Variants in FHIT observed in about 807,000 individuals in gnomAD.
The protein encoded by FHIT is bis(5'-adenosyl)-triphosphatase.
In FHIT, 19 loss-of-function variants were observed where a neutral mutation model predicts 17.9. That is an observed-to-expected ratio of 1.06 (90% CI 0.74 to 1.56). The LOEUF (loss-of-function observed/expected upper bound fraction) is 1.56, where lower values mean the gene tolerates loss of function less well. Ranked by LOEUF, FHIT falls within the 40% of genes most tolerant of loss-of-function variation. FHIT has a pLI of 0.00. For synonymous variants in FHIT, 81 were observed against 69.7 expected (o/e 1.16, Z -0.81); for missense variants, 248 against 189.2 (o/e 1.31, Z -1.82).
At chr3:60,811,577 C>G (rs1701572576) in intron 4 of FHIT, among the ~76,000 whole-genome samples, 1 of 152,238 alleles carries the variant, frequency 6.6e-6, no homozygotes, top group East Asian at 1.9e-4. Context: ...AGTTTATAAG[C>G]TACCCTGAAG....
At chr3:60,101,294 C>G (rs1459438423) in intron 5 of FHIT, among the ~76,000 whole-genome samples, 1 of 152,226 alleles carries the variant, frequency 6.6e-6, no homozygotes, top group Admixed American at 6.5e-5. Context: ...GTACAGATGG[C>G]CATGTCCACC....
At chr3:59,821,904 G>C (rs1700806911) in intron 8 of FHIT, among the ~76,000 whole-genome samples, 1 of 152,080 alleles carries the variant, frequency 6.6e-6, no homozygotes, top group South Asian at 2.1e-4. Context: ...CCCAACACCT[G>C]AACAGTATAC....
intron 7 of FHIT, among the ~76,000 whole-genome samples, chr3:59,995,426 A>T (rs777704865): frequency 2.0e-5 from 3 of 152,082 alleles, no homozygotes; most frequent in Admixed American, 6.6e-5. Flanking sequence ...AAACTTCAAC[A>T]ACTAATTGGA....
intron 4 of FHIT, among the ~76,000 whole-genome samples, chr3:60,773,805 A>G (rs1193829196): frequency 2.0e-5 from 3 of 152,248 alleles, no homozygotes; most frequent in African/African-American, 7.2e-5. Flanking sequence ...ACTTATTATA[A>G]GTTTAATTCA....
chr3:60,716,466 C>G (rs1346832466), intron 4 of FHIT, among the ~76,000 whole-genome samples: 8 of 152,002 alleles, frequency 5.3e-5, no homozygotes, highest in African/African-American at 1.9e-4. Flanking sequence ...CGGATGGTAT[C>G]ATCAATATCA....
intron 5 of FHIT, among the ~76,000 whole-genome samples, chr3:60,329,172 T>C (rs1709841962): frequency 6.6e-6 from 1 of 152,248 alleles, no homozygotes; most frequent in African/African-American, 2.4e-5. Flanking sequence ...GCAATATTGA[T>C]GTTTCCCCTC....
chr3:61,049,372 C>G (rs919881273), intron 2 of FHIT, among the ~76,000 whole-genome samples: 4 of 151,770 alleles, frequency 2.6e-5, no homozygotes, highest in African/African-American at 9.7e-5. Flanking sequence ...TTTTATAGAT[C>G]TCCATGAATA....
At chr3:59,927,019 G>A (rs949352109) in intron 7 of FHIT, among the ~76,000 whole-genome samples, 5 of 152,048 alleles carry the variant, frequency 3.3e-5, no homozygotes, top group Admixed American at 2.0e-4. Context: ...AAACTTGTAC[G>A]CAAATGTTTA....
intron 4 of FHIT, among the ~76,000 whole-genome samples, chr3:60,754,738 G>GT (rs1333255097): frequency 1.3e-5 from 2 of 151,950 alleles, no homozygotes; most frequent in Non-Finnish European, 2.9e-5. Context: ...CTTTGCTGCC[G>GT]TAACACAGTT....
At chr3:61,058,209 A>G (rs1418328518) in intron 2 of FHIT, among the ~76,000 whole-genome samples, 3 of 152,172 alleles carry the variant, frequency 2.0e-5, no homozygotes, top group African/African-American at 7.2e-5. Context: ...CTATGATTAT[A>G]TAAGCATGAG....
intron 8 of FHIT, among the ~76,000 whole-genome samples, chr3:59,867,993 T>G (rs1702731748): frequency 6.7e-6 from 1 of 150,038 alleles, no homozygotes. Flanking sequence ...TCTTAGCTAA[T>G]GTTCTTTTGG....
At chr3:61,043,761 T>C (rs908333234) in intron 2 of FHIT, among the ~76,000 whole-genome samples, 2 of 152,188 alleles carry the variant, frequency 1.3e-5, no homozygotes, top group African/African-American at 4.8e-5. Flanking sequence ...CACAGCCAAG[T>C]ACCCCTCTGA....
At chr3:59,774,959 C>T (rs537444975) in intron 8 of FHIT, among the ~76,000 whole-genome samples, 17 of 152,222 alleles carry the variant, frequency 1.1e-4, no homozygotes, top group African/African-American at 2.4e-4. Flanking sequence ...TTAAAAATGC[C>T]GGAGCTTAGG....
At chr3:60,346,299 G>C (rs765424743) in intron 5 of FHIT, among the ~76,000 whole-genome samples, 1 of 152,154 alleles carries the variant, frequency 6.6e-6, no homozygotes, top group African/African-American at 2.4e-5. Context: ...TAACAACATG[G>C]TAAGGATATC....
rs1559916082 is a variant in FHIT, at chr3:60,441,755, A to ATTT, written c.103+95104_103+95105insAAA. ...TTATATATATATATTTATATATATA[A>ATTT]AAATATATATATATTTATATGTATA... is the stretch of plus-strand genomic sequence containing the variant. On this transcript the variant is annotated intron_variant, in intron 5 of 9. Transcript: ENST00000492590. 1.2e-3 allele frequency among the ~76,000 whole-genome samples: 116 copies of ATTT among 96,536 alleles called. 2 individuals carry two copies. The highest frequency in any genetic ancestry group is 3.8e-3 in the African/African-American group (100 of 26,318). The allele number at this position is 96,536 out of a possible 152,430, so 63.3% of individuals were successfully genotyped here. A position where few individuals can be genotyped will look rare whatever the true frequency, so the allele number is the denominator to read the frequency against.
intron 1 of FHIT, among the ~76,000 whole-genome samples, chr3:61,238,425 G>A (rs1424583917): frequency 2.6e-5 from 4 of 152,178 alleles, no homozygotes; most frequent in African/African-American, 4.8e-5. Context: ...AGGTGCAGGG[G>A]AGACAGCCAT....
intron 8 of FHIT, among the ~76,000 whole-genome samples, chr3:59,855,947 A>AT (rs59884349): frequency 1.3e-5 from 2 of 151,132 alleles, no homozygotes; most frequent in South Asian, 4.2e-4. Flanking sequence ...CGCCCGGCTA[A>AT]TTTTTTTGTA....
At chr3:60,909,797 A>G (rs1023791341) in intron 3 of FHIT, among the ~76,000 whole-genome samples, 17 of 152,162 alleles carry the variant, frequency 1.1e-4, no homozygotes, top group African/African-American at 4.1e-4. Context: ...GACAGATACC[A>G]TTGCCTAGTA....
At chr3:60,177,704 G>C (rs952169544) in intron 5 of FHIT, among the ~76,000 whole-genome samples, 1 of 152,168 alleles carries the variant, frequency 6.6e-6, no homozygotes, top group African/African-American at 2.4e-5. Context: ...AATGTCAGCT[G>C]AGATATAATT....
Sources: allele counts gnomAD v4.1 joint callset (sites outside exome capture counted in the v4.1 genomes callset), GRCh38; gene constraint gnomAD v4.1.1; transcripts MANE v1.5; gene names NCBI Gene and HGNC (gene_info 2026-07-23, HGNC 2026-07-21).